GALNT6: variants seen among roughly 807,000 people sequenced by gnomAD.
GALNT6 encodes GalNAc transferase 6.
A neutral mutation model predicts 65.9 loss-of-function variants in GALNT6; 51 were observed. That is an observed-to-expected ratio of 0.77 (90% CI 0.62 to 0.98). The LOEUF (loss-of-function observed/expected upper bound fraction) is 0.98, where lower values mean the gene tolerates loss of function less well. Among genes scored for constraint, GALNT6 ranks in the 50% least tolerant of loss-of-function variants. The pLI, the probability that GALNT6 is intolerant of heterozygous loss-of-function variation, is 0.00. For missense variants in GALNT6, 708 were observed against 803.3 expected (o/e 0.88, Z 1.43); for synonymous variants, 323 against 315.1 (o/e 1.02, Z -0.26).
At chr12:51,388,854 C>T (rs575796455) in intron 2 of GALNT6, among the ~76,000 whole-genome samples, 11 of 152,212 alleles carry the variant, frequency 7.2e-5, no homozygotes, top group Non-Finnish European at 1.3e-4. Context: ...TTCTCTATTA[C>T]GTGCAGAGTT....
At chr12:51,372,063 A>G (rs1277084022) in intron 4 of GALNT6, among the ~76,000 whole-genome samples, 6 of 152,128 alleles carry the variant, frequency 3.9e-5, no homozygotes, top group African/African-American at 1.4e-4. Context: ...AGGGTCCACA[A>G]ATTCCCTGGA....
intron 10 of GALNT6, among the ~76,000 whole-genome samples, chr12:51,356,854 C>T (rs769880983): frequency 3.3e-5 from 5 of 152,178 alleles, no homozygotes; most frequent in Non-Finnish European, 5.9e-5. Flanking sequence ...GAATGACTGT[C>T]TTCACCTACA....
chr12:51,369,015 C>T (rs1231218710), intron 4 of GALNT6, among the ~76,000 whole-genome samples: 2 of 152,178 alleles, frequency 1.3e-5, no homozygotes, highest in South Asian at 2.1e-4. Context: ...CCTGCAGCCC[C>T]GGGTGCTGGC....
At chr12:51,365,880 T>A (rs1460668919) in intron 4 of GALNT6, among the ~76,000 whole-genome samples, 2 of 152,172 alleles carry the variant, frequency 1.3e-5, no homozygotes, top group Admixed American at 6.5e-5. Flanking sequence ...GGACAGCACC[T>A]CAGAGTTGTG....
intron 4 of GALNT6, among the ~76,000 whole-genome samples, chr12:51,370,096 A>G (rs1157471483): frequency 6.6e-6 from 1 of 152,228 alleles, no homozygotes; most frequent in African/African-American, 2.4e-5. Flanking sequence ...TACCCTGAAG[A>G]GCTGAAAGCA....
chr12:51,376,053 T>C (rs1286752304), intron 4 of GALNT6, among the ~76,000 whole-genome samples: 4 of 151,584 alleles, frequency 2.6e-5, no homozygotes, highest in African/African-American at 7.3e-5. Context: ...TGGGTAGAGA[T>C]GGGGTTTCAC....
At chr12:51,373,711 CA>C (rs1311235966) in intron 4 of GALNT6, among the ~76,000 whole-genome samples, 2 of 152,148 alleles carry the variant, frequency 1.3e-5, no homozygotes, top group Non-Finnish European at 2.9e-5. Context: ...ACAACCTTTC[CA>C]TTGCTACAAA....
At position 51,368,397 on chromosome 12, in the gene GALNT6, T is replaced by G. The variant is rs1182386408; in HGVS notation, c.665-2818A>C. ...TTTTTCCTTCTTTTTTTTTCCATGTTTTTTTTTTTTTTCTTCTTTTTTTTG... is the reference window on the plus strand; with the variant it reads ...TTTTTCCTTCTTTTTTTTTCCATGTGTTTTTTTTTTTTCTTCTTTTTTTTG... On this transcript the variant is annotated intron_variant, in intron 4 of 11. Coordinates refer to ENST00000356317, the MANE Select transcript of GALNT6 (RefSeq NM_007210.4). 2.3e-3 allele frequency among the ~76,000 whole-genome samples: 11 copies of G among 4,874 alleles called. No homozygotes were observed. The South Asian group carries it at 0.15, about 65-fold the overall frequency. 3.2% of individuals were successfully genotyped at this position (4,874 alleles called of 152,430 possible).
chr12:51,388,141 C>G (rs899541543), intron 2 of GALNT6, among the ~76,000 whole-genome samples: 2 of 152,236 alleles, frequency 1.3e-5, no homozygotes, highest in African/African-American at 4.8e-5. Flanking sequence ...TCACCCCACA[C>G]CCGCTCCCAA....
chr12:51,388,302 T>C (rs988050744), intron 2 of GALNT6, among the ~76,000 whole-genome samples: 1 of 152,190 alleles, frequency 6.6e-6, no homozygotes, highest in Admixed American at 6.5e-5. Context: ...CTCTCTCTCT[T>C]TCACAATCAG....
At chr12:51,362,853 GTT>G (rs34972366) in intron 6 of GALNT6, among the ~76,000 whole-genome samples, 37,484 of 147,714 alleles carry the variant, frequency 0.25, 4,786 homozygotes, top group Non-Finnish European at 0.27. Context: ...CTCTGAGCAG[GTT>G]TTTTTTTTTT....
chr12:51,358,842 TCCTCCAAAG>T (rs1006032323), intron 8 of GALNT6, among the ~76,000 whole-genome samples: 14 of 152,156 alleles, frequency 9.2e-5, no homozygotes, highest in African/African-American at 2.4e-4. Flanking sequence ...TCAGAGCCAT[TCCTCCAAAG>T]CCTCCAAAGC....
chr12:51,364,258 A>G lies in GALNT6; in HGVS notation c.912T>C (p.Asn304=). 6.2e-7 allele frequency: 1 copy of G among 1,614,090 alleles called. No homozygotes were observed. Among genetic ancestry groups the G allele is most frequent in the Non-Finnish European group, 8.5e-7 (1 of 1,179,946 alleles). ...VSPDIVTIDL[N]TFEFAKPVQR... Reference sequence around the variant, plus strand: ...GGACGGGCTTGGCGAACTCAAAAGTATTAAGGTCGATGGTGACGATGTCTG... The same window carrying G: ...GGACGGGCTTGGCGAACTCAAAAGTGTTAAGGTCGATGGTGACGATGTCTG... The change falls in exon 6 of 12, where the codon AAT becomes AAC. Residue 304 remains asparagine (N), a synonymous_variant. Coordinates refer to ENST00000356317, the MANE Select transcript of GALNT6 (RefSeq NM_007210.4).
rs1946807599 is a variant in GALNT6 at position 51,358,159 on chromosome 12, G to A, written c.1471C>T (p.Pro491Ser). 1.2e-6 allele frequency: 2 copies of A among 1,613,950 alleles called. No homozygotes were observed. The highest frequency in any genetic ancestry group is 1.7e-5 in the Admixed American group (1 of 60,000). ...CCATAGAAGGTGGGCGTCAGGTCAG[G>A]AACAAACATCTCTGGGTAGACATTG... ...LHNVYPEMFV[P>S]DLTPTFYGAI... Residue 491 changes from proline to serine, a missense_variant, in exon 9 of 12, where the codon CCT becomes TCT. Transcript: ENST00000356317.
At chr12:51,355,403 C>T (rs949502390) in intron 11 of GALNT6, among the ~76,000 whole-genome samples, 13 of 152,158 alleles carry the variant, frequency 8.5e-5, no homozygotes, top group African/African-American at 3.1e-4. Flanking sequence ...CTCTACTCCA[C>T]CCCATGGCGT....
chr12:51,390,673 C>A (rs1032974825), intron 2 of GALNT6, among the ~76,000 whole-genome samples, 177 bp downstream of exon 2: 5 of 152,074 alleles, frequency 3.3e-5, no homozygotes, highest in African/African-American at 1.2e-4. Context: ...GAACTATGAA[C>A]CTCACCCAGT....
intron 7 of GALNT6, 170 bp from the exon 8 acceptor site, chr12:51,359,502 A>G: frequency 3.7e-6 from 2 of 543,424 alleles, no homozygotes; most frequent in Admixed American, 3.2e-5. Flanking sequence ...TTCCTAGGCC[A>G]TGACTACACG....
At position 51,355,950 on chromosome 12, in the gene GALNT6, C is replaced by G; in HGVS notation, c.1611G>C (p.Glu537Asp). Reference sequence around the variant, plus strand: ...GGCGAAGGTCCCTCTGAGTTGTGTACTCAAAGTACTGGAAATCAAGACAAG... The same window carrying G: ...GGCGAAGGTCCCTCTGAGTTGTGTAGTCAAAGTACTGGAAATCAAGACAAG... ...CHGLGGNQYF[E>D]YTTQRDLRHN... The change falls in exon 11 of 12, where the codon GAG becomes GAC. Residue 537 changes from glutamate (E) to aspartate (D), a missense_variant. Physicochemically the swap from Glu to Asp is conservative, Grantham distance 45. Transcript: ENST00000356317. 1 of 1,612,770 alleles carries G rather than the reference C, an allele frequency of 6.2e-7. No homozygotes were observed. Among genetic ancestry groups the G allele is most frequent in the South Asian group, 1.1e-5 (1 of 91,044 alleles).
chr12:51,384,981 G>A (rs1417201949), intron 2 of GALNT6, among the ~76,000 whole-genome samples: 3 of 152,048 alleles, frequency 2.0e-5, no homozygotes, highest in Admixed American at 6.6e-5. Flanking sequence ...GCAAGTATTC[G>A]TTTTTTCTTT....
Sources: allele counts gnomAD v4.1 joint callset (sites outside exome capture counted in the v4.1 genomes callset), GRCh38; gene constraint gnomAD v4.1.1; transcripts MANE v1.5; gene names NCBI Gene and HGNC (gene_info 2026-07-23, HGNC 2026-07-21).